Variants in OTUD7A observed in about 807,000 individuals in gnomAD.
The protein encoded by OTUD7A is OTU deubiquitinase 7A.
Under a neutral mutation model 65.7 loss-of-function variants are expected in OTUD7A, and 12 were observed. The observed-to-expected ratio is 0.18, with a 90% confidence interval of 0.12 to 0.30. The LOEUF (loss-of-function observed/expected upper bound fraction) is 0.30, where lower values mean the gene tolerates loss of function less well. Among genes scored for constraint, OTUD7A ranks in the 10% least tolerant of loss-of-function variants. The probability of loss-of-function intolerance (pLI) is 1.00; values close to 1 mark genes in which losing one functional copy is unlikely to be tolerated. For missense variants in OTUD7A, 1,148 were observed against 1,304.8 expected (o/e 0.88, Z 1.85); for synonymous variants, 641 against 586.3 (o/e 1.09, Z -1.35).
chr15:31,641,086 G>A (rs992350568), intron 3 of OTUD7A, among the ~76,000 whole-genome samples: 18 of 152,124 alleles, frequency 1.2e-4, no homozygotes, highest in African/African-American at 3.6e-4. Flanking sequence ...GGCATGAGTG[G>A]GTGGAGGTCA....
In OTUD7A at chr15:31,487,841, G is replaced by C. The variant is rs368619544; in HGVS notation, c.1172-275C>G. Among the ~76,000 whole-genome samples, 2 of 152,160 alleles carry C rather than the reference G, an allele frequency of 1.3e-5. No individual in the cohort carries two copies. Among genetic ancestry groups the C allele is most frequent in the East Asian group, 3.9e-4 (2 of 5,192 alleles). On this transcript the variant is annotated intron_variant, in intron 10 of 12. Coordinates refer to ENST00000307050, the MANE Select transcript of OTUD7A (RefSeq NM_001382637.1). The surrounding 1 kb of genome is among the most constrained non-coding windows in gnomAD (Gnocchi z 6.0). Reference sequence around the variant, plus strand: ...AGATACTCCATTGGGCAGCAGAATGGGAAAAAAGCTATTGCTGCCTCTGCT... The same window carrying C: ...AGATACTCCATTGGGCAGCAGAATGCGAAAAAAGCTATTGCTGCCTCTGCT...
intron 8 of OTUD7A, among the ~76,000 whole-genome samples, chr15:31,504,114 C>T (rs961746785): frequency 2.0e-5 from 3 of 152,196 alleles, no homozygotes; most frequent in African/African-American, 7.2e-5. Flanking sequence ...GGAGGCAGCC[C>T]ACCAGAGCCT....
At chr15:31,809,843 A>G (rs1896374787) in intron 1 of OTUD7A, among the ~76,000 whole-genome samples, 1 of 152,272 alleles carries the variant, frequency 6.6e-6, no homozygotes, top group Admixed American at 6.5e-5. Context: ...TTATTTATGC[A>G]CATCAGTGAT....
intron 10 of OTUD7A, among the ~76,000 whole-genome samples, chr15:31,495,645 G>A (rs1008388954): frequency 1.4e-4 from 22 of 152,218 alleles, no homozygotes; most frequent in African/African-American, 4.8e-4. Context: ...AAGGGTAGGC[G>A]TAGCTGTGCT....
chr15:31,508,008 G>T (rs1254098527), intron 8 of OTUD7A, among the ~76,000 whole-genome samples: 2 of 152,152 alleles, frequency 1.3e-5, no homozygotes, highest in Non-Finnish European at 2.9e-5. Context: ...GTGTGAAAAG[G>T]CTAGCTGTCA....
chr15:31,762,918 A>G (rs1222111325), intron 1 of OTUD7A, among the ~76,000 whole-genome samples: 1 of 152,220 alleles, frequency 6.6e-6, no homozygotes, highest in Non-Finnish European at 1.5e-5. Flanking sequence ...CGAGACGACA[A>G]AAATATTGGC....
At chr15:31,775,097 C>T (rs1280823670) in intron 1 of OTUD7A, among the ~76,000 whole-genome samples, 1 of 150,342 alleles carries the variant, frequency 6.7e-6, no homozygotes, top group African/African-American at 2.4e-5. Context: ...TTTACACACA[C>T]ACACACACAC....
chr15:31,613,205 T>C (rs779567586), intron 3 of OTUD7A, among the ~76,000 whole-genome samples: 1 of 152,132 alleles, frequency 6.6e-6, no homozygotes, highest in African/African-American at 2.4e-5. Flanking sequence ...GAAGATAACA[T>C]TGGAAAACCC....
In OTUD7A at chr15:31,476,682, CT is replaced by C. The variant is rs1483680342; in HGVS notation, c.*6611del. 1 of 152,276 alleles carries C rather than the reference CT, an allele frequency of 6.6e-6. No homozygotes were observed. Among genetic ancestry groups the C allele is most frequent in the East Asian group, 1.9e-4 (1 of 5,206 alleles). The allele number at this position is 152,276 out of a possible 1,614,324, so 9.4% of individuals were successfully genotyped here. A position where few individuals can be genotyped will look rare whatever the true frequency, so the allele number is the denominator to read the frequency against. ...CATCACGATGGAGACCTTATGCCCCCTCCCACGAGGGACCTGAAAATATGGC... is the reference window on the plus strand; with the variant it reads ...CATCACGATGGAGACCTTATGCCCCCCCCACGAGGGACCTGAAAATATGGC... On this transcript the variant is annotated 3_prime_UTR_variant, in exon 13 of 13. Transcript: ENST00000307050.
intron 1 of OTUD7A, among the ~76,000 whole-genome samples, chr15:31,658,010 G>A (rs559114488): frequency 6.6e-6 from 1 of 152,238 alleles, no homozygotes; most frequent in East Asian, 1.9e-4. Context: ...TCAATGCATG[G>A]TGACTGCCTT....
At chr15:31,767,951 T>C in intron 1 of OTUD7A, 1 of 1,554,852 alleles carries the variant, frequency 6.4e-7, no homozygotes, top group South Asian at 1.1e-5. Context: ...CCCTTTGATA[T>C]CTTCAATTAT....
At chr15:31,660,864 G>C (rs1290321481) in intron 1 of OTUD7A, among the ~76,000 whole-genome samples, 1 of 152,224 alleles carries the variant, frequency 6.6e-6, no homozygotes, top group Non-Finnish European at 1.5e-5. Flanking sequence ...TGTCTTGTAG[G>C]AACTGAGGAA....
intron 1 of OTUD7A, among the ~76,000 whole-genome samples, chr15:31,831,873 CTGCCCAT>C (rs1477664225): frequency 6.6e-6 from 1 of 152,250 alleles, no homozygotes; most frequent in African/African-American, 2.4e-5. Flanking sequence ...CGAGCAATGA[CTGCCCAT>C]TGTGGATCCC....
At chr15:31,674,935 C>T (rs1595701695) in intron 1 of OTUD7A, among the ~76,000 whole-genome samples, 1 of 152,068 alleles carries the variant, frequency 6.6e-6, no homozygotes, top group East Asian at 1.9e-4. Context: ...ACACTTGCAC[C>T]AGCCGTAGAC....
intron 8 of OTUD7A, among the ~76,000 whole-genome samples, chr15:31,522,436 T>TCCAGCTGGCA (rs1566900751): frequency 6.6e-6 from 1 of 152,348 alleles, no homozygotes; most frequent in South Asian, 2.1e-4. Context: ...TTCCTGGGTC[T>TCCAGCTGGCA]CCAGCTGGCA....
In OTUD7A at chr15:31,794,320, T is replaced by C. The variant is rs564930956; in HGVS notation, c.-100+76187A>G. Among the ~76,000 whole-genome samples the C allele has an allele frequency of 3.3e-5, 5 of 152,370 alleles. No homozygotes were observed. The East Asian group carries it at 7.7e-4, about 23-fold the overall frequency. ...CACTATAGATTTGCAGTATGCAGTA[T>C]GCCTTAATATCTGTCAAAGTTTTCC... is the stretch of plus-strand genomic sequence containing the variant. On this transcript the variant is annotated intron_variant, in intron 1 of 12. Coordinates refer to ENST00000307050, the MANE Select transcript of OTUD7A (RefSeq NM_001382637.1).
chr15:31,511,195 TATGTATATCTATATGTAACAC>T lies in OTUD7A; in HGVS notation c.894-7398_894-7378del, dbSNP rs1566893279. ...TATGTATATCTATATGTAACACACA[TATGTATATCTATATGTAACAC>T]ACATACATATGTATATCTATATGTA... On this transcript the variant is annotated intron_variant, in intron 8 of 12. Transcript: ENST00000307050. Among the ~76,000 whole-genome samples, 22 of 5,072 alleles carry T rather than the reference TATGTATATCTATATGTAACAC, an allele frequency of 4.3e-3. 5 individuals carry two copies. The highest frequency in any genetic ancestry group is 0.011 in the Admixed American group (3 of 262). 3.3% of individuals were successfully genotyped at this position (5,072 alleles called of 152,430 possible). A position where few individuals can be genotyped will look rare whatever the true frequency, so the allele number is the denominator to read the frequency against.
At chr15:31,861,116 G>A (rs989885791) in intron 1 of OTUD7A, among the ~76,000 whole-genome samples, 5 of 152,076 alleles carry the variant, frequency 3.3e-5, no homozygotes, top group Admixed American at 2.6e-4. Context: ...AGCACTTTGG[G>A]AGAACTAGGG....
intron 1 of OTUD7A, among the ~76,000 whole-genome samples, chr15:31,779,789 G>A (rs1820849230): frequency 6.6e-6 from 1 of 152,026 alleles, no homozygotes; most frequent in African/African-American, 2.4e-5. Flanking sequence ...GGAGGAGGTG[G>A]GTGCAGAGGG....
Sources: allele counts gnomAD v4.1 joint callset (sites outside exome capture counted in the v4.1 genomes callset), GRCh38; gene constraint gnomAD v4.1.1; non-coding constraint Gnocchi (gnomAD v3.1); transcripts MANE v1.5; gene names NCBI Gene and HGNC (gene_info 2026-07-23, HGNC 2026-07-21).